The following NMNAT1 variants were observed in gnomAD, a reference collection of about 807,000 sequenced individuals.
NMNAT1 encodes nicotinamide/nicotinic acid mononucleotide adenylyltransferase 1.
A neutral mutation model predicts 16.7 loss-of-function variants in NMNAT1; 11 were observed. That is an observed-to-expected ratio of 0.66 (90% CI 0.41 to 1.09). The LOEUF (loss-of-function observed/expected upper bound fraction) is 1.09, where lower values mean the gene tolerates loss of function less well. NMNAT1 is among the 50% of genes least tolerant of loss of function. NMNAT1 has a pLI of 0.00. For missense variants in NMNAT1, 280 were observed against 332.3 expected (o/e 0.84, Z 1.22); for synonymous variants, 110 against 119.8 (o/e 0.92, Z 0.53).
chr1:9,955,553 C>T (rs927381257), intron 1 of NMNAT1, among the ~76,000 whole-genome samples: 3 of 152,060 alleles, frequency 2.0e-5, no homozygotes, highest in Non-Finnish European at 4.4e-5. Flanking sequence ...TGCAGTGAGC[C>T]GAGATTGCAC....
At chr1:9,996,309 CAAA>C in the NMNAT1 span, among the ~76,000 whole-genome samples, 6 of 101,892 alleles carry the variant, frequency 5.9e-5, no homozygotes, top group Admixed American at 1.0e-4. Context: ...GACTCCGTCT[CAAA>C]AAAAAAAAAA....
intron 1 of NMNAT1, among the ~76,000 whole-genome samples, chr1:9,962,875 G>A (rs890353266): frequency 4.0e-5 from 6 of 151,878 alleles, no homozygotes; most frequent in African/African-American, 7.3e-5. Flanking sequence ...TAGAGACAGG[G>A]TTTCACCGTT....
At chr1:9,965,043 G>A (rs1381791691) in intron 1 of NMNAT1, among the ~76,000 whole-genome samples, 1 of 151,934 alleles carries the variant, frequency 6.6e-6, no homozygotes, top group Non-Finnish European at 1.5e-5. Flanking sequence ...TCAGGGCCAG[G>A]TGTGTTGGCT....
chr1:9,959,111 C>A (rs1276464958), intron 1 of NMNAT1, among the ~76,000 whole-genome samples: 2 of 152,090 alleles, frequency 1.3e-5, no homozygotes, highest in Non-Finnish European at 2.9e-5. Flanking sequence ...GTGGCTTAAG[C>A]CTGTAATCCC....
At chr1:9,971,457 G>C (rs1192897139) in intron 1 of NMNAT1, among the ~76,000 whole-genome samples, 1 of 152,016 alleles carries the variant, frequency 6.6e-6, no homozygotes, top group Non-Finnish European at 1.5e-5. Flanking sequence ...GGGATTACAG[G>C]TGCCTGTCAC....
At chr1:9,948,072 A>T (rs1408560464) in intron 1 of NMNAT1, among the ~76,000 whole-genome samples, 1 of 152,166 alleles carries the variant, frequency 6.6e-6, no homozygotes, top group African/African-American at 2.4e-5. Context: ...CTAATTCCTA[A>T]CTTAGTGCTG....
In NMNAT1 at chr1:9,981,115, G is replaced by C; in HGVS notation, c.384G>C (p.Lys128Asn). 1 of 1,613,674 alleles carries C rather than the reference G, an allele frequency of 6.2e-7. No homozygotes were observed. The part of the protein sequence containing the change: ...PTLERPGRKR[K>N]WTETQDSSQK... ...TAGAAAGGCCTGGAAGGAAGAGGAA[G>C]TGGACTGAAACACAAGATTCTAGTC... Residue 128 changes from lysine to asparagine, a missense_variant, in exon 4 of 5, where the codon AAG becomes AAC. Coordinates refer to ENST00000377205, the MANE Select transcript of NMNAT1 (RefSeq NM_022787.4).
At chr1:9,965,909 G>T (rs372736701) in intron 1 of NMNAT1, among the ~76,000 whole-genome samples, 1 of 151,446 alleles carries the variant, frequency 6.6e-6, no homozygotes, top group African/African-American at 2.4e-5. Flanking sequence ...GATCATTTGA[G>T]CCTAGGAGGC....
At chr1:9,961,534 T>A (rs1223405560) in intron 1 of NMNAT1, among the ~76,000 whole-genome samples, 1 of 152,146 alleles carries the variant, frequency 6.6e-6, no homozygotes, top group Non-Finnish European at 1.5e-5. Flanking sequence ...TGGTAGTTTT[T>A]ATGGGTATCG....
chr1:9,975,465 C>T (rs1399978804), intron 2 of NMNAT1, 127 bp from the exon 3 acceptor site: 21 of 709,478 alleles, frequency 3.0e-5, no homozygotes, highest in East Asian at 5.8e-5. Context: ...CACTCCAGTG[C>T]GGCCTGGGGA....
chr1:9,982,643 G>A lies in NMNAT1; in HGVS notation c.782G>A (p.Arg261Lys). Residue 261 changes from arginine (R) to lysine (K), a missense_variant, in exon 5 of 5, where the codon AGG becomes AAG. Arg to Lys is a conservative substitution (Grantham distance 26). Transcript: ENST00000377205. ...TTGTACAGCTCTGAGAGTGAAGACAGGAATGCTGGGGTCATCCTGGCCCCT... is the reference window on the plus strand; with the variant it reads ...TTGTACAGCTCTGAGAGTGAAGACAAGAATGCTGGGGTCATCCTGGCCCCT... ...HNLYSSESEDRNAGVILAPLQ... is the reference protein window; with the variant it reads ...HNLYSSESEDKNAGVILAPLQ... The A allele has an allele frequency of 6.2e-7, 1 of 1,614,100 alleles. No individual in the cohort carries two copies. Among genetic ancestry groups the A allele is most frequent in the Non-Finnish European group, 8.5e-7 (1 of 1,180,000 alleles).
the NMNAT1 span, among the ~76,000 whole-genome samples, chr1:9,995,240 A>T: frequency 6.6e-6 from 1 of 152,150 alleles, no homozygotes; most frequent in African/African-American, 2.4e-5. Context: ...TCTATAAAAA[A>T]TTAAAAAAAT....
At chr1:9,953,163 T>G (rs1056345770) in intron 1 of NMNAT1, among the ~76,000 whole-genome samples, 19 of 151,866 alleles carry the variant, frequency 1.3e-4, no homozygotes, top group African/African-American at 4.4e-4. Flanking sequence ...TTTGTATTTT[T>G]AGTAGAGACG....
At chr1:9,942,992 G>C, upstream of NMNAT1, 1 of 344,366 alleles carries the variant, frequency 2.9e-6, no homozygotes, top group South Asian at 2.2e-5. Flanking sequence ...GACACGCCTT[G>C]AGGGATGGCG....
At chr1:9,962,684 T>G (rs527607427) in intron 1 of NMNAT1, among the ~76,000 whole-genome samples, 1 of 98,758 alleles carries the variant, frequency 1.0e-5, no homozygotes, top group African/African-American at 3.3e-5. Context: ...AGGGTTTTTT[T>G]TTTTTTTTTT....
chr1:9,975,288 G>T (rs1237250926), intron 2 of NMNAT1, among the ~76,000 whole-genome samples: 1 of 152,044 alleles, frequency 6.6e-6, no homozygotes, highest in African/African-American at 2.4e-5. Flanking sequence ...ATCACTTGAG[G>T]TCAGGAGTTG....
At chr1:9,974,768 C>T (rs1274619536) in intron 2 of NMNAT1, among the ~76,000 whole-genome samples, 1 of 152,038 alleles carries the variant, frequency 6.6e-6, no homozygotes, top group Non-Finnish European at 1.5e-5. Context: ...AAGTGATTCT[C>T]CTGCCTTGGT....
At chr1:9,986,662 G>T (rs1642049601), downstream of NMNAT1, among the ~76,000 whole-genome samples, 2 of 152,212 alleles carry the variant, frequency 1.3e-5, no homozygotes, top group Admixed American at 1.3e-4. Context: ...GCAGCAGATT[G>T]TTTGAGCCCA....
intron 1 of NMNAT1, among the ~76,000 whole-genome samples, chr1:9,956,170 C>CTTTTT (rs113840450): frequency 3.0e-5 from 4 of 133,996 alleles, no homozygotes; most frequent in Non-Finnish European, 4.9e-5. Flanking sequence ...TGTTTCTTTT[C>CTTTTT]TTTTTTTTTT....
Sources: gnomAD v4.1 joint callset for allele counts (sites outside exome capture counted in the v4.1 genomes callset) on GRCh38, gnomAD v4.1.1 for gene constraint, MANE v1.5 for transcripts, NCBI Gene and HGNC (gene_info 2026-07-23, HGNC 2026-07-21) for gene names.